The following PPDPFL variants were observed in gnomAD, a reference collection of about 807,000 sequenced individuals.
The protein encoded by PPDPFL is pancreatic progenitor cell differentiation and proliferation factor like.
Under a neutral mutation model 12.6 loss-of-function variants are expected in PPDPFL, and 12 were observed. The observed-to-expected ratio is 0.95, with a 90% confidence interval of 0.61 to 1.54. The LOEUF (loss-of-function observed/expected upper bound fraction) is 1.54. PPDPFL is among the 40% of genes most tolerant of loss of function. The pLI is 0.00. For missense variants in PPDPFL, 114 were observed against 96.0 expected (o/e 1.19, Z -0.78); for synonymous variants, 24 against 32.7 (o/e 0.73, Z 0.91).
At chr8:49,066,036 C>T (rs556399343) in intron 1 of PPDPFL, among the ~76,000 whole-genome samples, 1 of 152,316 alleles carries the variant, frequency 6.6e-6, no homozygotes, top group African/African-American at 2.4e-5. Context: ...TAACATTCTC[C>T]AGCCAGTAAG....
At chr8:49,063,450 T>C (rs185532470) in intron 1 of PPDPFL, among the ~76,000 whole-genome samples, 1 of 152,322 alleles carries the variant, frequency 6.6e-6, no homozygotes, top group African/African-American at 2.4e-5. Context: ...CTGGGCGTGG[T>C]GTCTCATGCC....
intron 4 of PPDPFL, chr8:49,074,636 T>C: frequency 6.5e-7 from 1 of 1,532,686 alleles, no homozygotes; most frequent in Non-Finnish European, 8.7e-7. Flanking sequence ...AGGGTCTAAA[T>C]TTGTTTTGCT....
chr8:49,060,403 T>C (rs1808180213), intron 1 of PPDPFL, among the ~76,000 whole-genome samples: 1 of 152,112 alleles, frequency 6.6e-6, no homozygotes, highest in African/African-American at 2.4e-5. Context: ...AACCTCCGCC[T>C]CCTGGGTTTA....
Position 49,072,796 on chromosome 8 carries a change from C to T in PPDPFL, c.-35C>T, listed in dbSNP as rs1269930560. On this transcript the variant is annotated 5_prime_UTR_variant, in exon 2 of 5. Transcript: ENST00000522267. ...TCTGTCGCTGTTTCAGATTAATGCT[C>T]ACAGCTTCTTGGGTGCTTTCTCACG... The T allele has an allele frequency of 1.9e-6, 3 of 1,554,704 alleles. No homozygotes were observed. Among genetic ancestry groups the T allele is most frequent in the East Asian group, 4.6e-5 (2 of 43,354 alleles).
At chr8:49,061,600 C>G (rs1052693320) in intron 1 of PPDPFL, among the ~76,000 whole-genome samples, 1 of 152,080 alleles carries the variant, frequency 6.6e-6, no homozygotes, top group Non-Finnish European at 1.5e-5. Context: ...TCTGGGGAAA[C>G]AGCAATTAGA....
chr8:49,070,254 C>T (rs1023328724), upstream of PPDPFL, among the ~76,000 whole-genome samples: 12 of 151,760 alleles, frequency 7.9e-5, no homozygotes, highest in East Asian at 1.9e-4. Context: ...GGGTGAAGGG[C>T]GGGAGGAGGG....
intron 1 of PPDPFL, among the ~76,000 whole-genome samples, chr8:49,066,962 A>T (rs1052812829): frequency 6.6e-6 from 1 of 152,188 alleles, no homozygotes; most frequent in African/African-American, 2.4e-5. Flanking sequence ...TCATGAGAGC[A>T]CACTGCTCTA....
At chr8:49,064,491 A>G (rs755360156) in intron 1 of PPDPFL, among the ~76,000 whole-genome samples, 2 of 152,108 alleles carry the variant, frequency 1.3e-5, no homozygotes, top group African/African-American at 2.4e-5. Context: ...TGAACTTACT[A>G]TCCAAAGCCA....
At chr8:49,058,744 C>A (rs984110202) in intron 1 of PPDPFL, among the ~76,000 whole-genome samples, 2 of 152,102 alleles carry the variant, frequency 1.3e-5, no homozygotes, top group African/African-American at 2.4e-5. Flanking sequence ...TAATAAAGAG[C>A]CTTAAAGAAG....
chr8:49,057,498 C>T (rs367743223), intron 1 of PPDPFL, among the ~76,000 whole-genome samples: 18 of 152,092 alleles, frequency 1.2e-4, no homozygotes, highest in African/African-American at 4.3e-4. Context: ...AGTTTGCAGC[C>T]TCTGTATGCA....
intron 1 of PPDPFL, among the ~76,000 whole-genome samples, chr8:49,059,323 G>A (rs1227755749): frequency 2.6e-5 from 4 of 152,092 alleles, no homozygotes; most frequent in Admixed American, 1.3e-4. Context: ...GAGGGATAAC[G>A]CTATAGTGAT....
chr8:49,057,260 AC>A (rs1808125165), intron 1 of PPDPFL, among the ~76,000 whole-genome samples: 1 of 152,186 alleles, frequency 6.6e-6, no homozygotes, highest in African/African-American at 2.4e-5. Flanking sequence ...ATATTTATCA[AC>A]ATTTTTATTA....
At chr8:49,069,769 T>C (rs1452367959), upstream of PPDPFL, among the ~76,000 whole-genome samples, 1 of 152,150 alleles carries the variant, frequency 6.6e-6, no homozygotes, top group East Asian at 1.9e-4. Context: ...ACCCCATCTC[T>C]GCTAAAAATA....
At chr8:49,059,036 G>C (rs1270988615) in intron 1 of PPDPFL, among the ~76,000 whole-genome samples, 1 of 152,162 alleles carries the variant, frequency 6.6e-6, no homozygotes, top group African/African-American at 2.4e-5. Flanking sequence ...ATTCTGGCTG[G>C]CTTTCTTAGA....
intron 1 of PPDPFL, among the ~76,000 whole-genome samples, chr8:49,063,039 A>G (rs908087618): frequency 6.6e-6 from 1 of 152,200 alleles, no homozygotes; most frequent in East Asian, 1.9e-4. Context: ...GAATTGAAGT[A>G]CATGACATTT....
chr8:49,060,097 G>T (rs960589213), intron 1 of PPDPFL, among the ~76,000 whole-genome samples: 8 of 152,200 alleles, frequency 5.3e-5, no homozygotes, highest in Non-Finnish European at 7.3e-5. Context: ...TAGGCATAGA[G>T]TGAAGAGTAC....
At chr8:49,062,061 C>A (rs1808217291) in intron 1 of PPDPFL, among the ~76,000 whole-genome samples, 1 of 152,226 alleles carries the variant, frequency 6.6e-6, no homozygotes, top group Non-Finnish European at 1.5e-5. Flanking sequence ...GACAAATAAC[C>A]TGCATGAGTT....
At chr8:49,070,096 G>A (rs566279042), upstream of PPDPFL, among the ~76,000 whole-genome samples, 2 of 152,204 alleles carry the variant, frequency 1.3e-5, no homozygotes, top group African/African-American at 4.8e-5. Flanking sequence ...TTTGCAGGAA[G>A]ACGAATGGGG....
chr8:49,068,978 T>C (rs1808340594), upstream of PPDPFL, among the ~76,000 whole-genome samples: 1 of 152,180 alleles, frequency 6.6e-6, no homozygotes, highest in Admixed American at 6.5e-5. Context: ...TAAGTGATTG[T>C]TGATACAGAG....
Sources: allele counts gnomAD v4.1 joint callset (sites outside exome capture counted in the v4.1 genomes callset), GRCh38; gene constraint gnomAD v4.1.1; transcripts MANE v1.5; gene names NCBI Gene and HGNC (gene_info 2026-07-23, HGNC 2026-07-21).